The following CNBD1 variants were observed in gnomAD, a reference collection of about 807,000 sequenced individuals.
The protein encoded by CNBD1 is cyclic nucleotide-binding domain-containing protein 1.
Under a neutral mutation model 54.4 loss-of-function variants are expected in CNBD1, and 71 were observed. The observed-to-expected ratio is 1.30, with a 90% CI of 1.08 to 1.59. The LOEUF (loss-of-function observed/expected upper bound fraction) is 1.59. Among genes scored for constraint, CNBD1 ranks in the 40% most tolerant of loss-of-function variants. The pLI is 0.00. For synonymous variants in CNBD1, 182 were observed against 170.7 expected (o/e 1.07, Z -0.51); for missense variants, 659 against 518.0 (o/e 1.27, Z -2.64).
At chr8:87,327,390 C>CCT (rs1809701807) in intron 8 of CNBD1, among the ~76,000 whole-genome samples, 1 of 151,868 alleles carries the variant, frequency 6.6e-6, no homozygotes. Context: ...ATGGTGGGCG[C>CCT]CCCTCCCCCA....
rs140980951 is a variant in CNBD1 at position 86,875,097 on chromosome 8, T to C, written c.88+8514T>C. The stretch of plus-strand genomic sequence containing the variant: ...CACAGGCTCATTCTTATCTTCTCCC[T>C]TTCTGTATTTCTAACTCCCATCTCT... On this transcript the variant is annotated intron_variant, in intron 1 of 10. Coordinates refer to ENST00000518476, the MANE Select transcript of CNBD1 (RefSeq NM_173538.3). Among the ~76,000 whole-genome samples the C allele has an allele frequency of 5.4e-3, 813 of 151,516 alleles. 11 individuals are homozygous for C. Among genetic ancestry groups the C allele is most frequent in the African/African-American group, 0.018 (752 of 41,224 alleles).
intron 5 of CNBD1, among the ~76,000 whole-genome samples, chr8:87,227,150 G>T (rs540561070): frequency 6.6e-6 from 1 of 152,190 alleles, no homozygotes; most frequent in Non-Finnish European, 1.5e-5. Flanking sequence ...ACATGAGATG[G>T]GTTTCCTGAA....
intron 7 of CNBD1, among the ~76,000 whole-genome samples, chr8:87,285,625 C>T (rs1218099049): frequency 6.6e-6 from 1 of 151,990 alleles, no homozygotes. Flanking sequence ...AATCCCAGCA[C>T]TTTAGGAGAC....
chr8:87,390,288 A>G (rs1391373520), intron 2 of CNBD1, among the ~76,000 whole-genome samples: 2 of 152,210 alleles, frequency 1.3e-5, no homozygotes, highest in Admixed American at 6.5e-5. Flanking sequence ...CAGCAAAAGA[A>G]ACTACCATCA....
intron 6 of CNBD1, among the ~76,000 whole-genome samples, chr8:87,264,655 C>A (rs1050714361): frequency 6.6e-6 from 1 of 152,120 alleles, no homozygotes; most frequent in South Asian, 2.1e-4. Flanking sequence ...TCCTCTCCAG[C>A]ACCTGTTGTT....
At chr8:87,178,303 T>C (rs1813241247) in intron 4 of CNBD1, among the ~76,000 whole-genome samples, 1 of 152,188 alleles carries the variant, frequency 6.6e-6, no homozygotes, top group African/African-American at 2.4e-5. Flanking sequence ...TTCAGTTGTA[T>C]TTAGAAATAC....
chr8:86,959,233 G>A (rs1357094680), intron 4 of CNBD1, among the ~76,000 whole-genome samples: 1 of 152,128 alleles, frequency 6.6e-6, no homozygotes, highest in Non-Finnish European at 1.5e-5. Flanking sequence ...TAGTCTGATG[G>A]GCTTCCCTTT....
chr8:87,050,798 CT>C (rs1563449917), intron 4 of CNBD1, among the ~76,000 whole-genome samples: 5 of 152,174 alleles, frequency 3.3e-5, no homozygotes, highest in African/African-American at 7.2e-5. Flanking sequence ...TTCTGCACTC[CT>C]AATATTGGAT....
chr8:87,145,481 A>G (rs1477949190), intron 4 of CNBD1, among the ~76,000 whole-genome samples: 1 of 152,186 alleles, frequency 6.6e-6, no homozygotes. Flanking sequence ...TGAGATACAA[A>G]ATAAAAATCA....
At chr8:86,895,932 T>C (rs1021964591) in intron 2 of CNBD1, among the ~76,000 whole-genome samples, 12 of 152,314 alleles carry the variant, frequency 7.9e-5, no homozygotes, top group African/African-American at 2.6e-4. Flanking sequence ...ATTCATGTCC[T>C]TTGCACATTT....
chr8:87,396,185 C>T (rs182602449), intron 2 of CNBD1, among the ~76,000 whole-genome samples: 15 of 151,936 alleles, frequency 9.9e-5, no homozygotes, highest in Non-Finnish European at 1.9e-4. Flanking sequence ...ATGTGTTTTC[C>T]TCAATCTCAT....
At chr8:87,297,163 CAAA>C (rs555582073) in intron 8 of CNBD1, among the ~76,000 whole-genome samples, 1 of 88,754 alleles carries the variant, frequency 1.1e-5, no homozygotes, top group Non-Finnish European at 2.2e-5. Context: ...GGGTCCGTCT[CAAA>C]AAAAAAAAAA....
chr8:87,267,968 A>G (rs1401300885), intron 6 of CNBD1, among the ~76,000 whole-genome samples: 2 of 152,102 alleles, frequency 1.3e-5, no homozygotes, highest in South Asian at 2.1e-4. Context: ...GTTTGCTTAT[A>G]TGTTTTAGGG....
intron 3 of CNBD1, among the ~76,000 whole-genome samples, chr8:86,932,370 T>G (rs537198629): frequency 2.0e-5 from 3 of 151,398 alleles, no homozygotes; most frequent in South Asian, 2.1e-4. Context: ...GCCCAGGGGG[T>G]TTTTTGGTCC....
intron 4 of CNBD1, among the ~76,000 whole-genome samples, chr8:86,942,583 C>A (rs1247980141): frequency 6.6e-6 from 1 of 152,236 alleles, no homozygotes; most frequent in African/African-American, 2.4e-5. Flanking sequence ...CTTTCTCAAG[C>A]TCTGTTAGCA....
chr8:87,009,909 C>T (rs557514950), intron 4 of CNBD1, among the ~76,000 whole-genome samples: 3 of 152,186 alleles, frequency 2.0e-5, no homozygotes, highest in East Asian at 1.9e-4. Flanking sequence ...CTTCAGGTGG[C>T]CTTTGCTGCT....
At chr8:87,235,312 A>G (rs1807563266) in intron 5 of CNBD1, among the ~76,000 whole-genome samples, 2 of 152,214 alleles carry the variant, frequency 1.3e-5, no homozygotes, top group East Asian at 1.9e-4. Context: ...TTGGCTTACT[A>G]TTTGGTGTAA....
chr8:87,206,228 T>G, intron 5 of CNBD1, 90 bp downstream of exon 5: 1 of 1,041,504 alleles, frequency 9.6e-7, no homozygotes, highest in African/African-American at 1.6e-5. Context: ...TAATTTCACT[T>G]AACAATTTCA....
At chr8:87,086,451 C>A (rs1407864297) in intron 4 of CNBD1, among the ~76,000 whole-genome samples, 1 of 152,158 alleles carries the variant, frequency 6.6e-6, no homozygotes, top group East Asian at 1.9e-4. Flanking sequence ...CAGCTTTTTA[C>A]TTGCTAAGCC....
Sources: allele counts gnomAD v4.1 joint callset (sites outside exome capture counted in the v4.1 genomes callset), GRCh38; gene constraint gnomAD v4.1.1; transcripts MANE v1.5; gene names NCBI Gene and HGNC (gene_info 2026-07-23, HGNC 2026-07-21).